Variants in DOCK11 observed in about 807,000 individuals in gnomAD.
DOCK11 encodes the protein dedicator of cytokinesis protein 11.
DOCK11 carries 70 observed loss-of-function variants against 169.1 expected under a neutral mutation model. That is an observed-to-expected ratio of 0.41 (90% CI 0.34 to 0.51). DOCK11 has a LOEUF of 0.51. Ranked by LOEUF, DOCK11 falls within the 20% of genes least tolerant of loss-of-function variation. DOCK11 has a pLI of 0.10. For missense variants in DOCK11, 1,166 were observed against 1,538.8 expected, an observed-to-expected ratio of 0.76 and a Z score of 4.05; for synonymous variants, 529 against 541.3, an observed-to-expected ratio of 0.98 and a Z score of 0.32.
chrX:118,581,776 C>T (rs1346768378), intron 14 of DOCK11, among the ~76,000 whole-genome samples: 1 of 88,460 alleles, frequency 1.1e-5, no homozygotes, highest in Non-Finnish European at 2.1e-5. Context: ...GGCACTCCAG[C>T]CTGGGCGACA....
intron 40 of DOCK11, among the ~76,000 whole-genome samples, 174 bp from the exon 41 acceptor site, chrX:118,648,771 T>G (rs1335856358): frequency 9.2e-6 from 1 of 108,271 alleles, no homozygotes; most frequent in Admixed American, 1.0e-4. Flanking sequence ...TATCACATGC[T>G]GGTGTTTATG....
At chrX:118,522,913 A>G (rs1308407332) in intron 1 of DOCK11, among the ~76,000 whole-genome samples, 1 of 112,211 alleles carries the variant, frequency 8.9e-6, no homozygotes, top group East Asian at 2.8e-4. Context: ...TTCTAGGGGC[A>G]TCTCAGAATT....
Position 118,680,470 on chromosome X carries a change from C to T in DOCK11, c.5461-12C>T, listed in dbSNP as rs199582396. 2,157 of 968,113 alleles carry T rather than the reference C, an allele frequency of 2.2e-3. 1 individual carries two copies. Among genetic ancestry groups the T allele is most frequent in the Non-Finnish European group, 2.7e-3 (2,023 of 741,742 alleles). The allele number at this position is 968,113 out of a possible 1,213,427, so 79.8% of individuals were successfully genotyped here. A position where few individuals can be genotyped will look rare whatever the true frequency, so the allele number is the denominator to read the frequency against. On this transcript the variant is annotated splice_polypyrimidine_tract_variant and intron_variant, in intron 48 of 52. Coordinates refer to ENST00000276202, the MANE Select transcript of DOCK11 (RefSeq NM_144658.4). ...AATAAAATAAATAAATAAAAACTTT[C>T]TTATTTTATAGGTAAATGCCAAAGA...
In DOCK11 at chrX:118,496,071, C is replaced by T. The variant is rs1438013887; in HGVS notation, c.100C>T (p.Leu34=). The T allele has an allele frequency of 9.7e-7, 1 of 1,032,420 alleles. No homozygotes were observed. The highest frequency in any genetic ancestry group is 2.8e-5 in the South Asian group (1 of 35,273). The allele number at this position is 1,032,420 out of a possible 1,213,427, so 85.1% of individuals were successfully genotyped here. Residue 34 remains leucine (L), a splice_region_variant and synonymous_variant, in exon 1 of 53, where the codon CTG becomes TTG. Coordinates refer to ENST00000276202, the MANE Select transcript of DOCK11 (RefSeq NM_144658.4). The part of the protein sequence containing the change: ...VSEAVRGSVV[L]EKAKVVEPLD... ...TGAGGCCGTGCGGGGCTCCGTGGTG[C>T]TGGTGAGTGGCCGGGGGACGGGGCA... is the stretch of plus-strand genomic sequence containing the variant.
At chrX:118,641,446 A>C (rs2015531728) in intron 39 of DOCK11, 141 bp downstream of exon 39, 1 of 462,297 alleles carries the variant, frequency 2.2e-6, no homozygotes, top group African/African-American at 2.5e-5. Context: ...TAGTTTGGTT[A>C]TCATGTGACC....
rs1488344465 is a variant in DOCK11, at chrX:118,676,017, G to T, written c.5281G>T (p.Gly1761Cys). 2.5e-6 allele frequency: 3 copies of T among 1,197,762 alleles called. No individual in the cohort carries two copies. The highest frequency in any genetic ancestry group is 3.4e-6 in the Non-Finnish European group (3 of 890,282). ...EVMHTKKRLL[G>C]TFFRVAFYGQ... ...TATGCATACAAAAAAGAGACTTTTA[G>T]GCACTTTCTTCAGAGTTGCCTTTTA... The change falls in exon 47 of 53, where the codon GGC (glycine) becomes TGC (cysteine). Residue 1761 changes from glycine (G) to cysteine (C), a missense_variant. By Grantham distance (159) the Gly-to-Cys change is radical. Coordinates refer to ENST00000276202, the MANE Select transcript of DOCK11 (RefSeq NM_144658.4).
chrX:118,570,660 G>T (rs1172451096), intron 10 of DOCK11, among the ~76,000 whole-genome samples: 1 of 111,822 alleles, frequency 8.9e-6, no homozygotes, highest in African/African-American at 3.3e-5. Flanking sequence ...AATTACTTAG[G>T]TAATTGAGAA....
At chrX:118,677,529 G>A (rs1360943779) in intron 48 of DOCK11, among the ~76,000 whole-genome samples, 1 of 112,273 alleles carries the variant, frequency 8.9e-6, no homozygotes, top group Non-Finnish European at 1.9e-5. Flanking sequence ...TTTACTGAGT[G>A]ACTATGATAT....
chrX:118,647,175 G>A (rs1283172670), intron 40 of DOCK11, among the ~76,000 whole-genome samples: 1 of 88,300 alleles, frequency 1.1e-5, no homozygotes, highest in Non-Finnish European at 2.2e-5. Flanking sequence ...GTGTGTGTGT[G>A]TGTGTGTGTG....
At chrX:118,590,478 A>G (rs755985376) in intron 19 of DOCK11, among the ~76,000 whole-genome samples, 176 bp downstream of exon 19, 7 of 111,245 alleles carry the variant, frequency 6.3e-5, no homozygotes, top group Non-Finnish European at 1.1e-4. Flanking sequence ...TTTTGATGGT[A>G]GTAGAAGATT....
chrX:118,623,085 G>A (rs775231167), intron 31 of DOCK11, among the ~76,000 whole-genome samples: 1 of 111,515 alleles, frequency 9.0e-6, no homozygotes, highest in Non-Finnish European at 1.9e-5. Flanking sequence ...AGGCGTGGTG[G>A]TGGATACCTA....
At chrX:118,511,710 A>G (rs1180020778) in intron 1 of DOCK11, among the ~76,000 whole-genome samples, 1 of 111,122 alleles carries the variant, frequency 9.0e-6, no homozygotes, top group Non-Finnish European at 1.9e-5. Flanking sequence ...GGGCTGTGTT[A>G]TGCAGCAGAA....
chrX:118,644,977 G>A (rs1443353686), intron 40 of DOCK11, among the ~76,000 whole-genome samples: 1 of 111,647 alleles, frequency 9.0e-6, no homozygotes, highest in Admixed American at 9.5e-5. Flanking sequence ...AAGAAATGAG[G>A]GCCTGAAGTA....
chrX:118,684,387 C>T (rs1335928652), intron 52 of DOCK11, among the ~76,000 whole-genome samples: 1 of 107,256 alleles, frequency 9.3e-6, no homozygotes, highest in Non-Finnish European at 1.9e-5. Flanking sequence ...TTTCTCCTGC[C>T]TCAGCCTCCC....
At chrX:118,566,223 T>A in intron 8 of DOCK11, 41 bp downstream of exon 8, 1 of 1,119,398 alleles carries the variant, frequency 8.9e-7, no homozygotes, top group Non-Finnish European at 1.2e-6. Context: ...GTAAAGCCCT[T>A]GTCTTTAATC....
intron 45 of DOCK11, among the ~76,000 whole-genome samples, chrX:118,663,628 C>G (rs996082559): frequency 3.9e-5 from 4 of 103,342 alleles, no homozygotes. Context: ...GAGAAACTTT[C>G]AATGTTTGGG....
chrX:118,578,635 T>G lies in DOCK11; in HGVS notation c.1500T>G (p.Ser500=). Residue 500 remains serine (S), a synonymous_variant, in exon 13 of 53, where the codon TCT becomes TCG. Transcript: ENST00000276202. ...THCAEPYIKN[S]DPVKTAQKVH... Reference sequence around the variant, plus strand: ...GTGCAGAACCCTATATCAAAAATTCTGATCCAGTAAAGGTAATTTATAAAG... The same window carrying G: ...GTGCAGAACCCTATATCAAAAATTCGGATCCAGTAAAGGTAATTTATAAAG... 1 of 1,202,667 alleles carries G rather than the reference T, an allele frequency of 8.3e-7. No individual in the cohort carries two copies. Among genetic ancestry groups the G allele is most frequent in the Non-Finnish European group, 1.1e-6 (1 of 890,266 alleles).
At chrX:118,679,755 A>G (rs2016694723) in intron 48 of DOCK11, among the ~76,000 whole-genome samples, 1 of 109,838 alleles carries the variant, frequency 9.1e-6, no homozygotes, top group African/African-American at 3.3e-5. Context: ...AAATAAATAA[A>G]CTATGATACC....
At chrX:118,574,098 C>A (rs1376322704) in intron 12 of DOCK11, 80 bp downstream of exon 12, 2 of 998,305 alleles carry the variant, frequency 2.0e-6, no homozygotes, top group Non-Finnish European at 2.7e-6. Context: ...TGGTTTCAGG[C>A]CAATGTTTTC....
Sources: allele counts gnomAD v4.1 joint callset (sites outside exome capture counted in the v4.1 genomes callset), GRCh38; gene constraint gnomAD v4.1.1; transcripts MANE v1.5; gene names NCBI Gene and HGNC (gene_info 2026-07-23, HGNC 2026-07-21).